The following TCF20 variants were observed in gnomAD, a reference collection of about 807,000 sequenced individuals.
The protein encoded by TCF20 is SPRE-binding protein.
A neutral mutation model predicts 148.6 loss-of-function variants in TCF20; 3 were observed. The ratio of observed to expected loss-of-function variants is 0.02; its 90% CI spans 0.01 to 0.05. TCF20 has a LOEUF of 0.05. Ranked by LOEUF, TCF20 falls within the 10% of genes least tolerant of loss-of-function variation. TCF20 has a pLI of 1.00. For synonymous variants in TCF20, 1,049 were observed against 909.5 expected (o/e 1.15, Z -2.76); for missense variants, 2,350 against 2,429.3 (o/e 0.97, Z 0.69).
intron 3 of TCF20, among the ~76,000 whole-genome samples, chr22:42,176,276 A>C (rs1426701926): frequency 6.6e-6 from 1 of 152,214 alleles, no homozygotes; most frequent in Non-Finnish European, 1.5e-5. Flanking sequence ...CTTGGAGAGA[A>C]AAGAGGGAAG....
intron 2 of TCF20, among the ~76,000 whole-genome samples, chr22:42,181,042 G>C (rs528660765): frequency 2.0e-5 from 3 of 152,310 alleles, no homozygotes; most frequent in South Asian, 2.1e-4. Flanking sequence ...GTAAACCAAG[G>C]ACAAGTTCAC....
At chr22:42,272,458 C>T (rs1601686621), upstream of TCF20, among the ~76,000 whole-genome samples, 1 of 152,272 alleles carries the variant, frequency 6.6e-6, no homozygotes. Context: ...CCATTCTTTC[C>T]CTTCTTCATA....
intron 2 of TCF20, among the ~76,000 whole-genome samples, chr22:42,181,136 G>T (rs1936752628): frequency 6.6e-6 from 1 of 152,236 alleles, no homozygotes; most frequent in Non-Finnish European, 1.5e-5. Flanking sequence ...CAACTTCAGA[G>T]AAGGGAGTGT....
At chr22:42,249,822 T>C (rs780515209) in intron 1 of TCF20, among the ~76,000 whole-genome samples, 6 of 152,250 alleles carry the variant, frequency 3.9e-5, no homozygotes, top group Admixed American at 6.5e-5. Context: ...CTTCACATCA[T>C]TTCTAATACT....
intron 1 of TCF20, among the ~76,000 whole-genome samples, chr22:42,215,599 T>C (rs1331637064): frequency 6.6e-6 from 1 of 151,996 alleles, no homozygotes; most frequent in Non-Finnish European, 1.5e-5. Flanking sequence ...GCCTCCCGAG[T>C]AGCTGGGACT....
At chr22:42,174,817 C>G (rs901261268) in intron 3 of TCF20, among the ~76,000 whole-genome samples, 2 of 152,082 alleles carry the variant, frequency 1.3e-5, no homozygotes, top group Middle Eastern at 3.4e-3. Context: ...GGGCAGATCA[C>G]AAGGTCAGGA....
At chr22:42,272,493 G>C (rs533918310), upstream of TCF20, among the ~76,000 whole-genome samples, 1 of 152,124 alleles carries the variant, frequency 6.6e-6, no homozygotes, top group Non-Finnish European at 1.5e-5. Flanking sequence ...TCAGATGCAG[G>C]GCCCGGGGGA....
intron 3 of TCF20, 37 bp downstream of exon 3, chr22:42,179,569 CTTT>C: frequency 7.1e-7 from 1 of 1,407,500 alleles, no homozygotes; most frequent in Non-Finnish European, 1.0e-6. Flanking sequence ...TGTCCTAATC[CTTT>C]GGATGCTCTG....
Position 42,198,829 on chromosome 22 carries a change from T to A in TCF20, c.5655+10822A>T, listed in dbSNP as rs141877317. ...GGCGCCCGCCACCACGTCCAGCTAA[T>A]TTTTTTTGTATTTTTAGTAGAGACA... On this transcript the variant is annotated intron_variant, in intron 2 of 5. Transcript: ENST00000677622. 1.0e-2 allele frequency among the ~76,000 whole-genome samples: 1,509 copies of A among 151,114 alleles called. 27 individuals are homozygous for A. Among genetic ancestry groups the A allele is most frequent in the African/African-American group, 0.035 (1,437 of 40,698 alleles).
chr22:42,162,979 G>C (rs1223424572), intron 5 of TCF20, among the ~76,000 whole-genome samples: 1 of 152,196 alleles, frequency 6.6e-6, no homozygotes, highest in Non-Finnish European at 1.5e-5. Flanking sequence ...GCCAGCAGTT[G>C]AGCTAATGGG....
At chr22:42,270,745 G>T (rs1330210912), upstream of TCF20, among the ~76,000 whole-genome samples, 1 of 143,850 alleles carries the variant, frequency 7.0e-6, no homozygotes, top group African/African-American at 2.5e-5. Context: ...CGGGGCGCGC[G>T]GCGGGGGCGG....
At chr22:42,164,212 CTTTTTTTTT>C in intron 5 of TCF20, among the ~76,000 whole-genome samples, 1 of 83,510 alleles carries the variant, frequency 1.2e-5, no homozygotes, top group South Asian at 4.1e-4. Context: ...TCATTTCTTT[CTTTTTTTTT>C]TTTTTTTTTT....
At chr22:42,231,633 A>T (rs566871308) in intron 1 of TCF20, among the ~76,000 whole-genome samples, 9 of 152,364 alleles carry the variant, frequency 5.9e-5, no homozygotes, top group African/African-American at 2.2e-4. Context: ...AAAGTAAAAA[A>T]GTTACAGTAA....
chr22:42,172,310 G>C (rs9611748), intron 3 of TCF20, among the ~76,000 whole-genome samples: 40 of 152,276 alleles, frequency 2.6e-4, no homozygotes, highest in Non-Finnish European at 5.4e-4. Flanking sequence ...GGAGGGAAGA[G>C]TGAAGAGCAG....
intron 1 of TCF20, among the ~76,000 whole-genome samples, chr22:42,324,065 A>T (rs866079097): frequency 7.1e-3 from 135 of 19,098 alleles, no homozygotes; most frequent in African/African-American, 0.016. Context: ...GTGGTGATGG[A>T]GGTTATGGTG....
chr22:42,232,403 A>C (rs981502474), intron 1 of TCF20, among the ~76,000 whole-genome samples: 4 of 140,932 alleles, frequency 2.8e-5, no homozygotes, highest in Non-Finnish European at 4.5e-5. Flanking sequence ...GTACCAAAAC[A>C]AAAAAAAAAC....
intron 1 of TCF20, among the ~76,000 whole-genome samples, chr22:42,298,974 G>A (rs899467794): frequency 4.6e-5 from 7 of 152,232 alleles, no homozygotes; most frequent in African/African-American, 1.7e-4. Flanking sequence ...CAGCACAGAG[G>A]AGGCACCCAC....
At chr22:42,318,116 C>T (rs1423041046) in intron 1 of TCF20, among the ~76,000 whole-genome samples, 1 of 152,266 alleles carries the variant, frequency 6.6e-6, no homozygotes, top group Non-Finnish European at 1.5e-5. Flanking sequence ...CCACAGGCCC[C>T]GCCCTGCTCG....
At chr22:42,251,865 T>G (rs1269088440) in intron 1 of TCF20, among the ~76,000 whole-genome samples, 5 of 152,070 alleles carry the variant, frequency 3.3e-5, no homozygotes, top group Non-Finnish European at 5.9e-5. Flanking sequence ...TTGTTTGGAT[T>G]TCGATATTTT....
Sources: gnomAD v4.1 joint callset for allele counts (sites outside exome capture counted in the v4.1 genomes callset) on GRCh38, gnomAD v4.1.1 for gene constraint, MANE v1.5 for transcripts, NCBI Gene and HGNC (gene_info 2026-07-23, HGNC 2026-07-21) for gene names.